The following IDUA variants were observed in gnomAD, a reference collection of about 807,000 sequenced individuals.
The protein encoded by IDUA is alpha-L-iduronidase, also known as iduronidase alpha-L-.
IDUA carries 65 observed loss-of-function variants against 68.9 expected under a neutral mutation model. The ratio of observed to expected loss-of-function variants is 0.94; its 90% CI spans 0.77 to 1.16. The LOEUF (loss-of-function observed/expected upper bound fraction) is 1.16, where lower values mean the gene tolerates loss of function less well. IDUA is among the 50% of genes most tolerant of loss of function. IDUA has a pLI of 0.00. For missense variants in IDUA, 1,046 were observed against 938.0 expected (o/e 1.12, Z -1.50); for synonymous variants, 529 against 433.6 (o/e 1.22, Z -2.73).
At chr4:988,897 T>C (rs1229028402) in intron 2 of IDUA, 1 of 1,604,790 alleles carries the variant, frequency 6.2e-7, no homozygotes, top group Admixed American at 1.7e-5. Context: ...CACGGCATCG[T>C]GCACACTGAG....
intron 2 of IDUA, chr4:989,697 C>T (rs1006838496): frequency 1.2e-5 from 19 of 1,561,204 alleles, no homozygotes; most frequent in African/African-American, 4.1e-5. Flanking sequence ...CCACGCTGGA[C>T]AGCTGTGTCC....
rs57992789 is a variant in IDUA, at chr4:995,353, C to CA, written c.300-5243dup. Among the ~76,000 whole-genome samples the CA allele has an allele frequency of 7.1e-3, 986 of 138,234 alleles. 8 individuals are homozygous for CA. Among genetic ancestry groups the CA allele is most frequent in the East Asian group, 0.02 (94 of 4,778 alleles). The allele number at this position is 138,234 out of a possible 152,430, so 90.7% of individuals were successfully genotyped here. A position where few individuals can be genotyped will look rare whatever the true frequency, so the allele number is the denominator to read the frequency against. ...CCACCGTGCCCGGCCAGTTCTGTCT[C>CA]AAAAAAAAAAAAAAAATTCCTTGGG... On this transcript the variant is annotated intron_variant, in intron 2 of 13. Transcript: ENST00000514224.
At position 1,002,181 on chromosome 4, in the gene IDUA, TGC is replaced by T; in HGVS notation, c.972+25_972+26del. On this transcript the variant is annotated intron_variant, in intron 7 of 13. Transcript: ENST00000514224. ...GTGAAGGTGGGCCGGCCCAACGCCC[TGC>T]GCGCCCCCCGGCCACCTTCCTCCCG... The T allele has an allele frequency of 6.4e-7, 1 of 1,558,698 alleles. No homozygotes were observed. Among genetic ancestry groups the T allele is most frequent in the Non-Finnish European group, 8.7e-7 (1 of 1,152,072 alleles).
At chr4:991,352 A>C (rs1385593780) in intron 2 of IDUA, 1 of 1,612,862 alleles carries the variant, frequency 6.2e-7, no homozygotes, top group Non-Finnish European at 8.5e-7. Flanking sequence ...ACATGCCGTG[A>C]GGTGCCCATG....
At chr4:994,450 T>G (rs1714611112) in intron 2 of IDUA, among the ~76,000 whole-genome samples, 1 of 151,556 alleles carries the variant, frequency 6.6e-6, no homozygotes, top group African/African-American at 2.4e-5. Flanking sequence ...TAATTTTTTT[T>G]TTTTTGAGAC....
At chr4:1,000,496 G>A (rs912044696) in intron 2 of IDUA, 116 bp from the exon 3 acceptor site, 16 of 819,858 alleles carry the variant, frequency 2.0e-5, no homozygotes, top group Admixed American at 3.6e-5. Context: ...AGCCGGGATC[G>A]GAGTCCTGTG....
At chr4:991,951 A>C in intron 2 of IDUA, 1 of 821,812 alleles carries the variant, frequency 1.2e-6, no homozygotes, top group Non-Finnish European at 2.0e-6. Context: ...GTGAGATGGG[A>C]TTACGACACC....
chr4:991,257 G>C (rs1206660087), intron 2 of IDUA: 6 of 1,612,414 alleles, frequency 3.7e-6, no homozygotes, highest in Non-Finnish European at 5.1e-6. Context: ...GGCCGTCCTG[G>C]GAGGGGTCAA....
Position 1,002,298 on chromosome 4 carries a change from G to A in IDUA, c.1002G>A (p.Leu334=), listed in dbSNP as rs370582480. Residue 334 remains leucine, a synonymous_variant, in exon 8 of 14, where the codon CTG becomes CTA. Transcript: ENST00000514224. ...TCGCGCAGCATCAGAACCTGCTACT[G>A]GCCAACACCACCTCCGCCTTCCCCT... ...KVIAQHQNLL[L]ANTTSAFPYA... is the part of the protein sequence containing the mutation. 2.2e-4 allele frequency: 356 copies of A among 1,612,656 alleles called. No individual in the cohort carries two copies. The highest frequency in any genetic ancestry group is 2.9e-4 in the Non-Finnish European group (342 of 1,179,586).
chr4:991,865 C>T, intron 2 of IDUA: 1 of 1,501,354 alleles, frequency 6.7e-7, no homozygotes. Context: ...GGGCCTTCTC[C>T]TGGCAGCGCG....
chr4:987,814 C>T lies in IDUA; in HGVS notation c.164C>T (p.Pro55Leu), dbSNP rs199554923. 2.0e-5 allele frequency: 33 copies of T among 1,612,386 alleles called. No homozygotes were observed. The highest frequency in any genetic ancestry group is 1.7e-4 in the Middle Eastern group (1 of 6,016). Residue 55 changes from proline (P) to leucine (L), a missense_variant, in exon 2 of 14, where the codon CCG (proline) becomes CTG (leucine). By Grantham distance (98) the Pro-to-Leu change is moderately conservative. Coordinates refer to ENST00000514224, the MANE Select transcript of IDUA (RefSeq NM_000203.5). ...CGCCCCTTTGTTGTCCCCAGCCCCC[C>T]GCTGCCACACAGCCAGGCTGACCAG... Reference protein sequence around the residue: ...RFWRSTGFCPPLPHSQADQYV... With the variant: ...RFWRSTGFCPLLPHSQADQYV...
chr4:1,001,293 C>T, intron 4 of IDUA, 175 bp from the exon 5 acceptor site: 1 of 691,158 alleles, frequency 1.4e-6, no homozygotes, highest in Non-Finnish European at 2.6e-6. Context: ...AGGCCGCCGC[C>T]CAGGTCTTGG....
rs772108902 is a variant in IDUA, at chr4:1,004,162, T to C, written c.1828+50T>C. On this transcript the variant is annotated intron_variant, in intron 13 of 13. Coordinates refer to ENST00000514224, the MANE Select transcript of IDUA (RefSeq NM_000203.5). This position sits in a 1 kb window ranked among gnomAD's most constrained non-coding sequence, Gnocchi z 5.0. ...GACTCGGCCACCCCATTCTTGGGCC[T>C]CAGGGCAGTACTGGGTGGGGGCCTC... is the stretch of plus-strand genomic sequence containing the variant. 3 of 1,611,378 alleles carry C rather than the reference T, an allele frequency of 1.9e-6. No individual in the cohort carries two copies. In the South Asian group the frequency reaches 3.3e-5, roughly 18 times the overall value.
chr4:1,003,210 G>C (rs113289555), intron 10 of IDUA, 53 bp downstream of exon 10: 3 of 1,265,114 alleles, frequency 2.4e-6, no homozygotes, highest in South Asian at 4.6e-5. Context: ...GTCCCGGGGG[G>C]GTGGGGTCCG....
chr4:995,376 G>A (rs1022891320), intron 2 of IDUA, among the ~76,000 whole-genome samples: 1 of 152,074 alleles, frequency 6.6e-6, no homozygotes, highest in Non-Finnish European at 1.5e-5. Context: ...AAAATTCCTT[G>A]GGAGCCTCAG....
At chr4:993,835 A>C (rs1714556622) in intron 2 of IDUA, among the ~76,000 whole-genome samples, 1 of 152,188 alleles carries the variant, frequency 6.6e-6, no homozygotes, top group African/African-American at 2.4e-5. Flanking sequence ...GCAGAGGCTG[A>C]CAGCCGGCTC....
At chr4:991,896 T>C in intron 2 of IDUA, 1 of 1,237,470 alleles carries the variant, frequency 8.1e-7, no homozygotes, top group Non-Finnish European at 1.1e-6. Context: ...CCCTGCCCGG[T>C]ATGGATGGAC....
chr4:1,001,112 T>TG (rs1342198102), intron 4 of IDUA, 123 bp downstream of exon 4: 8 of 706,888 alleles, frequency 1.1e-5, no homozygotes, highest in African/African-American at 3.6e-5. Context: ...CAGGCCCTTG[T>TG]GGGGGGATGG....
At chr4:992,546 G>A (rs1188753107) in intron 2 of IDUA, among the ~76,000 whole-genome samples, 2 of 152,226 alleles carry the variant, frequency 1.3e-5, no homozygotes, top group Non-Finnish European at 2.9e-5. Flanking sequence ...GGAGGAGGGT[G>A]ACTGGCGTCT....
Sources: allele counts gnomAD v4.1 joint callset (sites outside exome capture counted in the v4.1 genomes callset), GRCh38; gene constraint gnomAD v4.1.1; non-coding constraint Gnocchi (gnomAD v3.1); transcripts MANE v1.5; gene names NCBI Gene and HGNC (gene_info 2026-07-23, HGNC 2026-07-21).